The following TTC21A variants were observed in gnomAD, a reference collection of about 807,000 sequenced individuals.
The protein encoded by TTC21A is tetratricopeptide repeat protein 21A.
A neutral mutation model predicts 156.4 loss-of-function variants in TTC21A; 128 were observed. The observed-to-expected ratio is 0.82, with a 90% CI of 0.71 to 0.95. The LOEUF is 0.95. Ranked by LOEUF, TTC21A falls within the 40% of genes least tolerant of loss-of-function variation. The pLI is 0.00. For synonymous variants in TTC21A, 587 were observed against 617.1 expected (o/e 0.95, Z 0.72); for missense variants, 1,435 against 1,602.3 (o/e 0.90, Z 1.78).
chr3:39,109,603 G>A (rs976582832), intron 2 of TTC21A, among the ~76,000 whole-genome samples: 2 of 152,174 alleles, frequency 1.3e-5, no homozygotes, highest in African/African-American at 4.8e-5. Context: ...GACCCATGCA[G>A]GTGCAGATGG....
intron 15 of TTC21A, 67 bp downstream of exon 15, chr3:39,129,377 G>A: frequency 8.0e-7 from 1 of 1,244,334 alleles, no homozygotes; most frequent in South Asian, 1.2e-5. Flanking sequence ...GTTTCCTTCA[G>A]ATGGTATTTC....
Position 39,112,492 on chromosome 3 carries a change from C to G in TTC21A, c.470C>G (p.Ser157Ter). Residue 157 changes from serine to a stop codon, truncating the protein, a stop_gained, in exon 5 of 29, where the codon TCA (serine) becomes TGA (stop). Coordinates refer to ENST00000683103, the MANE Select transcript of TTC21A (RefSeq NM_001366900.1). LOFTEE classifies it high-confidence loss of function. ...CTCAGAGGCTGGGTGGACCTGACCTCAGACAAGCCCCACACTGCGAAGAAA... is the reference window on the plus strand; with the variant it reads ...CTCAGAGGCTGGGTGGACCTGACCTGAGACAAGCCCCACACTGCGAAGAAA... ...YVLRGWVDLTSDKPHTAKKAI... is the reference protein window; with the variant it reads ...YVLRGWVDLT 6.2e-7 allele frequency: 1 copy of G among 1,614,194 alleles called. No homozygotes were observed. Among genetic ancestry groups the G allele is most frequent in the African/African-American group, 1.3e-5 (1 of 75,032 alleles).
Position 39,130,538 on chromosome 3 carries a change from T to C in TTC21A, c.2320-163T>C. On this transcript the variant is annotated intron_variant, in intron 17 of 28. Transcript: ENST00000683103. The surrounding 1 kb of genome is among the most constrained non-coding windows in gnomAD (Gnocchi z 4.5). ...ACTCTCTGCTGCTGACCACACCTGC[T>C]TAAGCTGAGGGTTACACCCTGTGCC... The C allele has an allele frequency of 1.9e-6, 2 of 1,033,552 alleles. No individual in the cohort carries two copies. Among genetic ancestry groups the C allele is most frequent in the Non-Finnish European group, 2.9e-6 (2 of 700,114 alleles). 64.0% of individuals were successfully genotyped at this position (1,033,552 alleles called of 1,614,324 possible). A position where few individuals can be genotyped will look rare whatever the true frequency, so the allele number is the denominator to read the frequency against.
intron 10 of TTC21A, 45 bp from the exon 11 acceptor site, chr3:39,125,287 G>T: frequency 1.3e-6 from 2 of 1,598,744 alleles, no homozygotes; most frequent in Non-Finnish European, 1.7e-6. Context: ...TACCAAATCT[G>T]CCCAGGCTGA....
At chr3:39,121,921 A>T (rs556267760) in intron 9 of TTC21A, among the ~76,000 whole-genome samples, 2 of 152,174 alleles carry the variant, frequency 1.3e-5, no homozygotes, top group African/African-American at 4.8e-5. Flanking sequence ...AGAGTAGTTT[A>T]TCTTGACTTC....
At chr3:39,113,168 A>G (rs761153723) in intron 5 of TTC21A, among the ~76,000 whole-genome samples, 7 of 152,180 alleles carry the variant, frequency 4.6e-5, no homozygotes, top group Non-Finnish European at 8.8e-5. Flanking sequence ...AAAAAAGTCA[A>G]CAGATGAATT....
Position 39,130,568 on chromosome 3 carries a change from G to A in TTC21A, c.2320-133G>A. 3.3e-6 allele frequency: 4 copies of A among 1,214,276 alleles called. No individual in the cohort carries two copies. The highest frequency in any genetic ancestry group is 4.7e-6 in the Non-Finnish European group (4 of 856,042). The allele number at this position is 1,214,276 out of a possible 1,614,324, so 75.2% of individuals were successfully genotyped here. The stretch of plus-strand genomic sequence containing the variant: ...CTGAGGGTTACACCCTGTGCCAGCT[G>A]GGAGGAGTGCCTTTTCACTTTAGGC... On this transcript the variant is annotated intron_variant, in intron 17 of 28. Transcript: ENST00000683103. The surrounding 1 kb of genome is among the most constrained non-coding windows in gnomAD (Gnocchi z 4.5).
Position 39,107,912 on chromosome 3 carries a change from C to T in TTC21A, c.27+48C>T, listed in dbSNP as rs781409673. On this transcript the variant is annotated intron_variant, in intron 1 of 28. Coordinates refer to ENST00000683103, the MANE Select transcript of TTC21A (RefSeq NM_001366900.1). ...GAGGGCTCCCTCGTGACTCCCCGCC[C>T]CTGACCCAGAGACCGTCTGCCCTGC... 3 of 1,606,942 alleles carry T rather than the reference C, an allele frequency of 1.9e-6. No individual in the cohort carries two copies. In the African/African-American group the frequency reaches 4.1e-5, roughly 22 times the overall value.
chr3:39,129,006 T>G (rs2038500604), intron 14 of TTC21A, 66 bp from the exon 15 acceptor site: 1 of 1,606,632 alleles, frequency 6.2e-7, no homozygotes, highest in Non-Finnish European at 8.5e-7. Context: ...GGAACCAGGT[T>G]CTTTGATTCC....
At position 39,138,725 on chromosome 3, in the gene TTC21A, C is replaced by A. The variant is rs745585550; in HGVS notation, c.3879C>A (p.His1293Gln). ...IEICNDVLRE[H>Q]PDYPKIREEI... ...CTCTGTTCCAGGTCCTCAGGGAGCA[C>A]CCCGACTACCCCAAGATCAGGGAGG... The change falls in exon 29 of 29, where the codon CAC becomes CAA. Residue 1293 changes from histidine (H) to glutamine (Q), a missense_variant. Transcript: ENST00000683103. 5.0e-6 allele frequency: 8 copies of A among 1,614,014 alleles called. No individual in the cohort carries two copies. In the South Asian group the frequency reaches 6.6e-5, roughly 13 times the overall value.
chr3:39,112,861 C>T (rs2036950363), intron 5 of TTC21A, among the ~76,000 whole-genome samples: 1 of 152,126 alleles, frequency 6.6e-6, no homozygotes, highest in South Asian at 2.1e-4. Flanking sequence ...TTCCTTGACC[C>T]TCTCAGGCTT....
chr3:39,137,599 T>A lies in TTC21A; in HGVS notation c.3564T>A (p.Ser1188Arg). Residue 1188 changes from serine (S) to arginine (R), a missense_variant, in exon 26 of 29, where the codon AGT becomes AGA. By Grantham distance (110) the Ser-to-Arg change is moderately radical (BLOSUM62 -1). Transcript: ENST00000683103. ...TGGCCAAGACCCCCTGGGTGCTGAG[T>A]GAGGCTGAGGACCTGGAGAAGAGCT... ...KRLAKTPWVLSEAEDLEKSWL... is the reference protein window; with the variant it reads ...KRLAKTPWVLREAEDLEKSWL... 1 of 1,614,186 alleles carries A rather than the reference T, an allele frequency of 6.2e-7. No individual in the cohort carries two copies. Among genetic ancestry groups the A allele is most frequent in the Non-Finnish European group, 8.5e-7 (1 of 1,180,024 alleles).
chr3:39,129,443 T>C, intron 15 of TTC21A, 133 bp downstream of exon 15: 4 of 746,106 alleles, frequency 5.4e-6, no homozygotes, highest in South Asian at 4.9e-5. Flanking sequence ...ATGTATGGAA[T>C]TGTCCATGGG....
intron 23 of TTC21A, 39 bp downstream of exon 23, chr3:39,136,546 A>C (rs2039129321): frequency 1.2e-6 from 2 of 1,602,026 alleles, no homozygotes; most frequent in Non-Finnish European, 1.7e-6. Context: ...AGCTGTGTGC[A>C]GGAAGCCCTA....
intron 9 of TTC21A, among the ~76,000 whole-genome samples, chr3:39,122,604 A>G (rs914384320): frequency 4.6e-5 from 7 of 152,162 alleles, no homozygotes; most frequent in African/African-American, 1.4e-4. Flanking sequence ...TAATAGGAGG[A>G]TTACTGGAAT....
chr3:39,135,296 T>C, intron 22 of TTC21A, 122 bp downstream of exon 22: 1 of 847,394 alleles, frequency 1.2e-6, no homozygotes, highest in Non-Finnish European at 2.0e-6. Context: ...CCTCCCTGAT[T>C]GTTCCAGAGA....
intron 11 of TTC21A, among the ~76,000 whole-genome samples, chr3:39,125,763 A>G (rs1464210279): frequency 6.6e-6 from 1 of 152,240 alleles, no homozygotes; most frequent in East Asian, 1.9e-4. Context: ...AAAACCCTGC[A>G]TCTCTAACAG....
intron 9 of TTC21A, among the ~76,000 whole-genome samples, chr3:39,122,982 C>G (rs1202623619): frequency 6.6e-6 from 1 of 152,164 alleles, no homozygotes; most frequent in Admixed American, 6.5e-5. Flanking sequence ...AGTTGCTGCC[C>G]TTCCTTTATA....
intron 22 of TTC21A, among the ~76,000 whole-genome samples, 189 bp downstream of exon 22, chr3:39,135,363 G>A (rs2039036886): frequency 2.0e-5 from 3 of 152,214 alleles, no homozygotes; most frequent in African/African-American, 7.2e-5. Context: ...AGTCCAAGGG[G>A]CCAGTTCCTG....
Sources: allele counts gnomAD v4.1 joint callset (sites outside exome capture counted in the v4.1 genomes callset), GRCh38; gene constraint gnomAD v4.1.1; non-coding constraint Gnocchi (gnomAD v3.1); transcripts MANE v1.5; gene names NCBI Gene and HGNC (gene_info 2026-07-23, HGNC 2026-07-21).